FHDC1: variants seen among roughly 807,000 people sequenced by gnomAD.
FHDC1 encodes FH2 domain-containing protein 1.
A neutral mutation model predicts 52.6 loss-of-function variants in FHDC1; 25 were observed. That is an observed-to-expected ratio of 0.48 (90% CI 0.35 to 0.66). The LOEUF (loss-of-function observed/expected upper bound fraction) is 0.66, where lower values mean the gene tolerates loss of function less well. Ranked by LOEUF, FHDC1 falls within the 30% of genes least tolerant of loss-of-function variation. FHDC1 has a pLI of 0.01. For synonymous variants in FHDC1, 616 were observed against 581.5 expected (o/e 1.06, Z -0.85); for missense variants, 1,459 against 1,452.8 (o/e 1.00, Z -0.07).
intron 2 of FHDC1, 115 bp downstream of exon 2, chr4:152,943,670 C>A: frequency 8.0e-7 from 1 of 1,254,836 alleles, no homozygotes; most frequent in Non-Finnish European, 1.1e-6. Flanking sequence ...ATAATACAAG[C>A]GAATCTGCCT....
At chr4:152,949,112 T>G (rs373282848) in intron 2 of FHDC1, among the ~76,000 whole-genome samples, 621 of 79,812 alleles carry the variant, frequency 7.8e-3, no homozygotes, top group South Asian at 0.015. Flanking sequence ...ATAATAATAA[T>G]AATAATAATA....
chr4:152,936,238 A>T (rs1316939005), upstream of FHDC1: 8 of 152,188 alleles, frequency 5.3e-5, no homozygotes, highest in Non-Finnish European at 1.2e-4. Context: ...GGCCAGGAGC[A>T]GCGAGGCCGC....
intron 2 of FHDC1, among the ~76,000 whole-genome samples, chr4:152,949,115 TAATAATAATAAGAAGAAG>T (rs1311622468): frequency 0.013 from 1,025 of 77,082 alleles, 5 homozygotes; most frequent in African/African-American, 0.024. Flanking sequence ...ATAATAATAA[TAATAATAATAAGAAGAAG>T]AAGAAGAAGA....
chr4:152,962,961 G>GTA (rs1279444203), intron 7 of FHDC1, 62 bp from the exon 8 acceptor site: 55 of 1,477,160 alleles, frequency 3.7e-5, no homozygotes, highest in Non-Finnish European at 4.9e-5. Context: ...GTGTGTGTGT[G>GTA]TGTGTGTGTG....
At chr4:152,942,287 TAAGC>T (rs1739595480) in intron 1 of FHDC1, among the ~76,000 whole-genome samples, 3 of 152,228 alleles carry the variant, frequency 2.0e-5, no homozygotes, top group Admixed American at 1.3e-4. Context: ...TCTAAAACTA[TAAGC>T]AGTAAAGCTT....
chr4:152,954,425 A>G (rs1020736292), intron 4 of FHDC1, 106 bp downstream of exon 4: 1 of 824,212 alleles, frequency 1.2e-6, no homozygotes, highest in South Asian at 1.6e-5. Flanking sequence ...AGTGGCTCAC[A>G]CCTGTAATCC....
At chr4:152,939,838 G>T (rs1048064933) in intron 1 of FHDC1, among the ~76,000 whole-genome samples, 2 of 152,194 alleles carry the variant, frequency 1.3e-5, no homozygotes, top group Non-Finnish European at 2.9e-5. Context: ...CTGTAGCTGA[G>T]ATCTTACATA....
At chr4:152,960,461 C>T in intron 4 of FHDC1, 104 bp from the exon 5 acceptor site, 2 of 1,037,834 alleles carry the variant, frequency 1.9e-6, no homozygotes, top group Admixed American at 2.3e-5. Context: ...GAATTTAGCA[C>T]TAAAATCCTA....
At chr4:152,917,629 G>A in the FHDC1 span, among the ~76,000 whole-genome samples, 2 of 152,076 alleles carry the variant, frequency 1.3e-5, no homozygotes, top group Non-Finnish European at 2.9e-5. Context: ...GGAGAATTGA[G>A]TTTTAACCAT....
chr4:152,954,226 G>A lies in FHDC1; in HGVS notation c.570G>A (p.Arg190=), dbSNP rs1344774899. The A allele has an allele frequency of 6.2e-7, 1 of 1,613,626 alleles. No homozygotes were observed. Among genetic ancestry groups the A allele is most frequent in the Non-Finnish European group, 8.5e-7 (1 of 1,179,560 alleles). The change falls in exon 4 of 12, where the codon CGG becomes CGA. Residue 190 remains arginine, a synonymous_variant. Transcript: ENST00000511601. Reference sequence around the variant, plus strand: ...TCATTGTCTTTTCAAGGTCTCCTCGGTCCATTGTAGAAGATATTCATCAAG... The same window carrying A: ...TCATTGTCTTTTCAAGGTCTCCTCGATCCATTGTAGAAGATATTCATCAAG... The part of the protein sequence containing the change: ...IFLKQFKKSP[R]SIVEDIHQGK...
chr4:152,944,046 C>G (rs906341319), intron 2 of FHDC1, among the ~76,000 whole-genome samples: 2 of 152,122 alleles, frequency 1.3e-5, no homozygotes, highest in Admixed American at 1.3e-4. Context: ...ACAAGTGTTT[C>G]TAGATGGCCT....
chr4:152,926,806 A>G, the FHDC1 span, among the ~76,000 whole-genome samples: 1 of 151,980 alleles, frequency 6.6e-6, no homozygotes, highest in Non-Finnish European at 1.5e-5. Context: ...CCAATGGGAA[A>G]AAAAAAACAA....
At chr4:152,949,951 G>A (rs1190541076) in intron 2 of FHDC1, among the ~76,000 whole-genome samples, 1 of 152,228 alleles carries the variant, frequency 6.6e-6, no homozygotes, top group Non-Finnish European at 1.5e-5. Context: ...CCGTGGCACC[G>A]ACTTCTGTGG....
At chr4:152,969,007 A>C (rs1300999174) in intron 10 of FHDC1, among the ~76,000 whole-genome samples, 1 of 152,156 alleles carries the variant, frequency 6.6e-6, no homozygotes, top group Middle Eastern at 3.2e-3. Flanking sequence ...AACAAAAAAC[A>C]GCAGAGTGGA....
chr4:152,915,251 G>A, the FHDC1 span, among the ~76,000 whole-genome samples: 2 of 152,254 alleles, frequency 1.3e-5, no homozygotes, highest in East Asian at 1.9e-4. Context: ...TTGAGACAGA[G>A]TCTCACTCTG....
upstream of FHDC1, among the ~76,000 whole-genome samples, chr4:152,931,332 T>C (rs1739249735): frequency 6.6e-6 from 1 of 152,012 alleles, no homozygotes; most frequent in East Asian, 1.9e-4. Flanking sequence ...CACCAACCAG[T>C]TTTCTAAGCA....
At chr4:152,961,499 C>T (rs1001662840) in intron 6 of FHDC1, among the ~76,000 whole-genome samples, 27 of 152,166 alleles carry the variant, frequency 1.8e-4, no homozygotes, top group African/African-American at 5.8e-4. Flanking sequence ...CGTCTCCTTC[C>T]GGAGGGGTGG....
chr4:152,954,196 G>A (rs1245842921), intron 3 of FHDC1, 21 bp from the exon 4 acceptor site: 2 of 1,597,706 alleles, frequency 1.3e-6, no homozygotes, highest in African/African-American at 2.7e-5. Context: ...GAAATGGAAT[G>A]TGATTCATTG....
At chr4:152,931,116 A>C in the FHDC1 span, among the ~76,000 whole-genome samples, 1 of 152,166 alleles carries the variant, frequency 6.6e-6, no homozygotes, top group Admixed American at 6.5e-5. Context: ...AACTTCTTAG[A>C]AGGGTAAACA....
Sources: allele counts gnomAD v4.1 joint callset (sites outside exome capture counted in the v4.1 genomes callset), GRCh38; gene constraint gnomAD v4.1.1; transcripts MANE v1.5; gene names NCBI Gene and HGNC (gene_info 2026-07-23, HGNC 2026-07-21).